The following FGF13 variants were observed in gnomAD, a reference collection of about 807,000 sequenced individuals.
The protein encoded by FGF13 is fibroblast growth factor 13, also known as fibroblast growth factor homologous factor 2.
Under a neutral mutation model 19.5 loss-of-function variants are expected in FGF13, and 2 were observed. The observed-to-expected ratio is 0.10, with a 90% confidence interval of 0.04 to 0.32. FGF13 has a LOEUF of 0.32. FGF13 is among the 10% of genes least tolerant of loss of function. The pLI is 1.00. For synonymous variants in FGF13, 72 were observed against 76.9 expected, an observed-to-expected ratio of 0.94 and a Z score of 0.33; for missense variants, 113 against 192.7, an observed-to-expected ratio of 0.59 and a Z score of 2.45.
intron 3 of FGF13, among the ~76,000 whole-genome samples, chrX:138,840,633 G>A (rs190493292): frequency 3.7e-4 from 41 of 111,675 alleles, no homozygotes; most frequent in African/African-American, 1.3e-3. Context: ...TATCTGGAAG[G>A]GAAGGAAGGA....
downstream of FGF13, among the ~76,000 whole-genome samples, chrX:138,853,768 C>T (rs5974780): frequency 0.05 from 5,542 of 110,791 alleles, 330 homozygotes; most frequent in African/African-American, 0.17. Context: ...CATTTACTAT[C>T]GTAATCAGAA....
chrX:138,890,457 G>A (rs1204273412), intron 1 of FGF13, among the ~76,000 whole-genome samples: 1 of 111,201 alleles, frequency 9.0e-6, no homozygotes, highest in Admixed American at 9.6e-5. Context: ...TAACAGCAAT[G>A]GCAACAGCAA....
chrX:138,890,480 C>G (rs761557873), intron 1 of FGF13, among the ~76,000 whole-genome samples: 1 of 108,556 alleles, frequency 9.2e-6, no homozygotes, highest in Non-Finnish European at 1.9e-5. Context: ...ATACCAATGA[C>G]AAAAAAAAAT....
intron 1 of FGF13, among the ~76,000 whole-genome samples, chrX:138,916,487 T>C (rs1455032147): frequency 1.8e-5 from 2 of 111,891 alleles, no homozygotes; most frequent in Non-Finnish European, 3.8e-5. Context: ...GGGACAGCAA[T>C]GAATCAGAAA....
intron 3 of FGF13, among the ~76,000 whole-genome samples, chrX:138,690,551 A>G (rs1186975487): frequency 1.8e-5 from 2 of 110,622 alleles, no homozygotes; most frequent in Middle Eastern, 4.3e-3. Flanking sequence ...CATATATAAA[A>G]ATTTTAAAGC....
chrX:139,133,458 C>T (rs1402284506), intron 1 of FGF13, among the ~76,000 whole-genome samples: 5 of 110,315 alleles, frequency 4.5e-5, no homozygotes, highest in South Asian at 3.9e-4. Flanking sequence ...AAAGGGTATA[C>T]ATCCAAAGGC....
intron 1 of FGF13, among the ~76,000 whole-genome samples, chrX:138,972,654 G>A (rs1301365746): frequency 9.0e-6 from 1 of 111,068 alleles, no homozygotes; most frequent in African/African-American, 3.3e-5. Context: ...ACCGTGCCGG[G>A]CCCTCACCAT....
intron 3 of FGF13, among the ~76,000 whole-genome samples, chrX:138,773,752 C>T (rs755700271): frequency 1.1e-4 from 12 of 111,552 alleles, no homozygotes; most frequent in Non-Finnish European, 2.1e-4. Context: ...GGTGATTTTA[C>T]AACTTGGGGA....
At chrX:138,893,868 C>T (rs2091489777) in intron 1 of FGF13, among the ~76,000 whole-genome samples, 1 of 111,320 alleles carries the variant, frequency 9.0e-6, no homozygotes, top group East Asian at 2.9e-4. Flanking sequence ...AAATGCTCCT[C>T]AATGCACTAA....
intron 1 of FGF13, among the ~76,000 whole-genome samples, chrX:139,069,349 A>C (rs1454206056): frequency 1.8e-4 from 13 of 71,783 alleles, no homozygotes; most frequent in Non-Finnish European, 2.6e-4. Flanking sequence ...CATTCTCAGT[A>C]AACTATCGCA....
chrX:138,732,529 A>G (rs899982657), intron 1 of FGF13, among the ~76,000 whole-genome samples: 1 of 111,620 alleles, frequency 9.0e-6, no homozygotes, highest in African/African-American at 3.3e-5. Context: ...ATGAAGTTCT[A>G]AAATAGGAAA....
intron 1 of FGF13, among the ~76,000 whole-genome samples, chrX:138,891,030 G>A (rs776808858): frequency 5.0e-4 from 56 of 112,174 alleles, no homozygotes; most frequent in African/African-American, 1.6e-3. Flanking sequence ...GGTGGCTCAC[G>A]CCTGTAATCC....
chrX:139,202,840 C>A (rs760128244), intron 1 of FGF13, among the ~76,000 whole-genome samples: 7 of 111,248 alleles, frequency 6.3e-5, no homozygotes, highest in Non-Finnish European at 1.1e-4. Flanking sequence ...GGACTCCCTG[C>A]GCTGCAACCT....
At chrX:138,815,937 A>G (rs910512169) in intron 3 of FGF13, among the ~76,000 whole-genome samples, 19 of 111,212 alleles carry the variant, frequency 1.7e-4, no homozygotes, top group African/African-American at 6.2e-4. Flanking sequence ...ATCCAGGTAC[A>G]ATAAAACAAA....
chrX:139,107,807 C>T (rs746404276), intron 1 of FGF13, among the ~76,000 whole-genome samples: 1 of 109,320 alleles, frequency 9.1e-6, no homozygotes, highest in Non-Finnish European at 1.9e-5. Context: ...GCAGCAGTGG[C>T]GGTAGTGATG....
exon 1 of FGF13, chrX:139,203,438 G>A (rs1249206588): frequency 9.5e-6 from 1 of 105,062 alleles, no homozygotes; most frequent in African/African-American, 3.5e-5. Flanking sequence ...CGTGTCGAAG[G>A]GTGCAAACTC....
chrX:138,831,340 C>G (rs1372734143), intron 3 of FGF13, among the ~76,000 whole-genome samples: 1 of 110,615 alleles, frequency 9.0e-6, no homozygotes, highest in African/African-American at 3.3e-5. Context: ...TATGGGGCCA[C>G]AAGTGGGCAA....
chrX:138,977,025 T>C (rs939292661), intron 1 of FGF13, among the ~76,000 whole-genome samples: 3 of 111,700 alleles, frequency 2.7e-5, no homozygotes, highest in African/African-American at 9.8e-5. Context: ...ATTTAAGATA[T>C]TAACTATGAC....
At chrX:139,082,470 T>A (rs776729658) in intron 1 of FGF13, among the ~76,000 whole-genome samples, 4 of 111,864 alleles carry the variant, frequency 3.6e-5, no homozygotes, top group Non-Finnish European at 7.5e-5. Flanking sequence ...AATGAGGTCA[T>A]GCTGCATTAA....
Sources: allele counts gnomAD v4.1 joint callset (sites outside exome capture counted in the v4.1 genomes callset), GRCh38; gene constraint gnomAD v4.1.1; transcripts MANE v1.5; gene names NCBI Gene and HGNC (gene_info 2026-07-23, HGNC 2026-07-21).